Variants in WDR47 observed in about 807,000 individuals in gnomAD.
WDR47 encodes WD repeat domain 47, also known as WD repeat-containing protein 47.
A neutral mutation model predicts 97.2 loss-of-function variants in WDR47; 32 were observed. The ratio of observed to expected loss-of-function variants is 0.33; its 90% CI spans 0.25 to 0.44. The LOEUF is 0.44. WDR47 is among the 20% of genes least tolerant of loss of function. The pLI is 1.00. For synonymous variants in WDR47, 375 were observed against 373.5 expected, an observed-to-expected ratio of 1.00 and a Z score of -0.05; for missense variants, 782 against 1,102.3, an observed-to-expected ratio of 0.71 and a Z score of 4.11.
intron 1 of WDR47, chr1:109,030,037 T>C (rs1271177810): frequency 2.3e-5 from 10 of 440,336 alleles, no homozygotes. Flanking sequence ...TGTCCCTTTC[T>C]GGCAGTGACG....
At chr1:109,010,810 C>G (rs2101941033) in intron 5 of WDR47, 106 bp downstream of exon 5, 1 of 1,109,324 alleles carries the variant, frequency 9.0e-7, no homozygotes, top group South Asian at 1.5e-5. Context: ...TCTCAATCTC[C>G]TGACCTTGTG....
chr1:109,018,113 C>T (rs1413451875), intron 2 of WDR47, among the ~76,000 whole-genome samples: 3 of 151,994 alleles, frequency 2.0e-5, no homozygotes, highest in African/African-American at 4.8e-5. Context: ...AATCTGCAAC[C>T]ACTCATACTA....
intron 1 of WDR47, among the ~76,000 whole-genome samples, chr1:109,033,659 G>A (rs1402644653): frequency 6.6e-6 from 1 of 152,200 alleles, no homozygotes; most frequent in Non-Finnish European, 1.5e-5. Context: ...GGTGGCTCAT[G>A]CCTGTAATCC....
intron 2 of WDR47, among the ~76,000 whole-genome samples, chr1:109,018,270 G>A (rs948100489): frequency 3.3e-5 from 5 of 151,582 alleles, no homozygotes; most frequent in South Asian, 4.2e-4. Flanking sequence ...CCAACATGGC[G>A]AAACCCCGTC....
At chr1:109,002,167 A>T (rs1660257913) in intron 7 of WDR47, 57 bp downstream of exon 7, 3 of 1,464,064 alleles carry the variant, frequency 2.0e-6, no homozygotes, top group Non-Finnish European at 2.7e-6. Flanking sequence ...CAGTTATTGC[A>T]TGTTTTAAAT....
Position 109,030,047 on chromosome 1 carries a change from G to A in WDR47, c.-9-6526C>T, listed in dbSNP as rs557590742. The A allele has an allele frequency of 8.4e-6, 4 of 477,712 alleles. No homozygotes were observed. In the East Asian group the frequency reaches 9.8e-5, roughly 12 times the overall value. The allele number at this position is 477,712 out of a possible 1,614,324, so 29.6% of individuals were successfully genotyped here. A position where few individuals can be genotyped will look rare whatever the true frequency, so the allele number is the denominator to read the frequency against. On this transcript the variant is annotated intron_variant, in intron 1 of 14. Coordinates refer to ENST00000369962, the MANE Select transcript of WDR47 (RefSeq NM_001142551.2). ...TTAAATGTCCCTTTCTGGCAGTGACGACCTACCCACAGGAGAACATGCCTC... is the reference window on the plus strand; with the variant it reads ...TTAAATGTCCCTTTCTGGCAGTGACAACCTACCCACAGGAGAACATGCCTC...
chr1:109,032,915 C>T (rs544954556), intron 1 of WDR47, among the ~76,000 whole-genome samples: 4 of 151,642 alleles, frequency 2.6e-5, no homozygotes, highest in East Asian at 3.9e-4. Flanking sequence ...AATTACAAAA[C>T]GTAAATCTTC....
chr1:109,022,441 A>C (rs908934755), intron 2 of WDR47, among the ~76,000 whole-genome samples: 2 of 4,750 alleles, frequency 4.2e-4, no homozygotes, highest in Admixed American at 5.1e-3. Context: ...TTACCTTTTC[A>C]AAGTCCGATT....
At chr1:108,982,840 G>C in intron 11 of WDR47, 61 bp from the exon 12 acceptor site, 2 of 1,525,224 alleles carry the variant, frequency 1.3e-6, no homozygotes, top group South Asian at 2.5e-5. Context: ...GATAACTTGA[G>C]ATTGCTAAAC....
chr1:109,036,937 T>C (rs1662996122), intron 1 of WDR47, among the ~76,000 whole-genome samples: 1 of 152,220 alleles, frequency 6.6e-6, no homozygotes, highest in Non-Finnish European at 1.5e-5. Context: ...CTAGGCTCTT[T>C]ACAATGAATA....
rs199704084 is a variant in WDR47, at chr1:108,974,794, A to G, written c.2399-40T>C. 1.5e-4 allele frequency: 220 copies of G among 1,474,204 alleles called. No individual in the cohort carries two copies. The Middle Eastern group carries it at 1.6e-3, about 11-fold the overall frequency. The allele number at this position is 1,474,204 out of a possible 1,614,324, so 91.3% of individuals were successfully genotyped here. A position where few individuals can be genotyped will look rare whatever the true frequency, so the allele number is the denominator to read the frequency against. On this transcript the variant is annotated intron_variant, in intron 13 of 14. Transcript: ENST00000369962. ...ATGAAAGTTTAAATACAGAAAATCA[A>G]TATACCCAAATGGCAACACAGCTGA...
At position 109,004,125 on chromosome 1, in the gene WDR47, T is replaced by C. The variant is rs372788037; in HGVS notation, c.1254+467A>G. Among the ~76,000 whole-genome samples the C allele has an allele frequency of 6.1e-4, 92 of 151,622 alleles. No individual in the cohort carries two copies. The East Asian group carries it at 0.014, about 23-fold the overall frequency. ...TAAAAATACAAAAAAATCAGCCAGG[T>C]GTGGTGGCGGGCGCCTGTGGTCCCA... On this transcript the variant is annotated intron_variant, in intron 6 of 14. Coordinates refer to ENST00000369962, the MANE Select transcript of WDR47 (RefSeq NM_001142551.2).
In WDR47 at chr1:108,981,946, G is replaced by C. The variant is rs556601641; in HGVS notation, c.2267-82C>G. ...TTCAAAGCTAAGCACTCTAGAGTTG[G>C]GCAAGGTGGCTCATGCCTATAATCC... is the stretch of plus-strand genomic sequence containing the variant. On this transcript the variant is annotated intron_variant, in intron 12 of 14. Transcript: ENST00000369962. 1.7e-5 allele frequency: 25 copies of C among 1,466,140 alleles called. No homozygotes were observed. The African/African-American group carries it at 3.3e-4, about 19-fold the overall frequency. 90.8% of individuals were successfully genotyped at this position (1,466,140 alleles called of 1,614,324 possible). A position where few individuals can be genotyped will look rare whatever the true frequency, so the allele number is the denominator to read the frequency against.
At chr1:109,020,532 G>C (rs1661758234) in intron 2 of WDR47, among the ~76,000 whole-genome samples, 1 of 152,060 alleles carries the variant, frequency 6.6e-6, no homozygotes. Flanking sequence ...AAAGTGCTGG[G>C]ATTACAGGCG....
In WDR47 at chr1:108,976,817, T is replaced by C. The variant is rs756598140; in HGVS notation, c.2399-2063A>G. Reference sequence around the variant, plus strand: ...CTAAGGAAACAGCATATGGCTTTACTGGACATGGGAGGAGCTTGGCATGTT... The same window carrying C: ...CTAAGGAAACAGCATATGGCTTTACCGGACATGGGAGGAGCTTGGCATGTT... On this transcript the variant is annotated intron_variant, in intron 13 of 14. Coordinates refer to ENST00000369962, the MANE Select transcript of WDR47 (RefSeq NM_001142551.2). Among the ~76,000 whole-genome samples, 33 of 152,278 alleles carry C rather than the reference T, an allele frequency of 2.2e-4. No individual in the cohort carries two copies. In the Middle Eastern group the frequency reaches 0.014, roughly 63 times the overall value.
At chr1:109,001,860 C>T (rs1660220916) in intron 7 of WDR47, among the ~76,000 whole-genome samples, 1 of 151,494 alleles carries the variant, frequency 6.6e-6, no homozygotes, top group Non-Finnish European at 1.5e-5. Flanking sequence ...CTCTGCACTC[C>T]AGACTGGGCG....
intron 5 of WDR47, among the ~76,000 whole-genome samples, chr1:109,010,625 C>A (rs1660972858): frequency 6.8e-6 from 1 of 146,226 alleles, no homozygotes; most frequent in African/African-American, 2.6e-5. Flanking sequence ...CTCTGTGGCC[C>A]AGGCCAGAGT....
rs1369418688 is a variant in WDR47, at chr1:108,983,268, T to C, written c.2095+14A>G. On this transcript the variant is annotated intron_variant, in intron 11 of 14. Coordinates refer to ENST00000369962, the MANE Select transcript of WDR47 (RefSeq NM_001142551.2). ...ACTGGTAAGCTAGCTACTGCTTACA[T>C]ACTTGGGCCCTACCTGTTGCGTTAC... is the stretch of plus-strand genomic sequence containing the variant. 3 of 1,597,252 alleles carry C rather than the reference T, an allele frequency of 1.9e-6. No individual in the cohort carries two copies. Among genetic ancestry groups the C allele is most frequent in the Middle Eastern group, 1.7e-4 (1 of 6,008 alleles).
intron 8 of WDR47, among the ~76,000 whole-genome samples, chr1:108,994,434 T>C (rs767044673): frequency 1.3e-5 from 2 of 152,024 alleles, no homozygotes; most frequent in African/African-American, 2.4e-5. Flanking sequence ...AAGTATGTTT[T>C]TCAGAAATGT....
Sources: gnomAD v4.1 joint callset for allele counts (sites outside exome capture counted in the v4.1 genomes callset) on GRCh38, gnomAD v4.1.1 for gene constraint, MANE v1.5 for transcripts, NCBI Gene and HGNC (gene_info 2026-07-23, HGNC 2026-07-21) for gene names.